Variants in RBFOX1 observed in about 807,000 individuals in gnomAD.
RBFOX1 encodes RNA binding protein fox-1 homolog 1.
RBFOX1 carries 8 observed loss-of-function variants against 57.7 expected under a neutral mutation model. That is an observed-to-expected ratio of 0.14 (90% CI 0.08 to 0.25). RBFOX1 has a LOEUF of 0.25. Among genes scored for constraint, RBFOX1 ranks in the 10% least tolerant of loss-of-function variants. The pLI, the probability that RBFOX1 is intolerant of heterozygous loss-of-function variation, is 1.00. For synonymous variants in RBFOX1, 326 were observed against 222.4 expected (o/e 1.47, Z -4.15); for missense variants, 611 against 548.5 (o/e 1.11, Z -1.14).
chr16:7,682,687 C>G (rs1430713603), intron 14 of RBFOX1, among the ~76,000 whole-genome samples: 1 of 151,400 alleles, frequency 6.6e-6, no homozygotes, highest in East Asian at 2.0e-4. Context: ...TATTTACATC[C>G]TCCTGTGCCC....
chr16:6,108,805 C>T (rs1341997865), intron 1 of RBFOX1, among the ~76,000 whole-genome samples: 2 of 152,030 alleles, frequency 1.3e-5, no homozygotes, highest in African/African-American at 4.8e-5. Flanking sequence ...AATCTATGTC[C>T]CCATCTTCAC....
At chr16:5,991,471 G>T (rs1421727777) in intron 4 of RBFOX1, among the ~76,000 whole-genome samples, 2 of 152,084 alleles carry the variant, frequency 1.3e-5, no homozygotes, top group African/African-American at 4.8e-5. Context: ...CCTCTAGTTT[G>T]TTTGGATTAA....
At chr16:6,599,766 G>A (rs552848531) in intron 2 of RBFOX1, among the ~76,000 whole-genome samples, 4 of 152,266 alleles carry the variant, frequency 2.6e-5, no homozygotes, top group Admixed American at 6.5e-5. Flanking sequence ...GAGCAGGTGC[G>A]TGTAACTTAA....
chr16:7,073,891 A>C (rs1330335993), intron 4 of RBFOX1, among the ~76,000 whole-genome samples: 2 of 147,680 alleles, frequency 1.4e-5, no homozygotes, highest in Admixed American at 6.9e-5. Flanking sequence ...CTAGATGTGT[A>C]GAAAAGAAAA....
rs542667153 is a variant in RBFOX1 at position 7,158,600 on chromosome 16, G to T, written c.27+106502G>T. Among the ~76,000 whole-genome samples, 3 of 152,086 alleles carry T rather than the reference G, an allele frequency of 2.0e-5. No homozygotes were observed. In the East Asian group the frequency reaches 5.8e-4, roughly 29 times the overall value. On this transcript the variant is annotated intron_variant, in intron 4 of 15. Transcript: ENST00000550418. ...TGTGGTGTGTATGTGCCTGTGTCCT[G>T]TGACCATGTGTTTGTATGATGTGTC...
intron 4 of RBFOX1, among the ~76,000 whole-genome samples, chr16:7,373,755 T>C (rs1275378577): frequency 1.3e-5 from 2 of 152,194 alleles, no homozygotes; most frequent in Admixed American, 6.5e-5. Context: ...TTTGCGCTGA[T>C]ATTGAGGAAG....
At chr16:7,213,298 T>TA (rs1004043484) in intron 4 of RBFOX1, among the ~76,000 whole-genome samples, 3 of 152,136 alleles carry the variant, frequency 2.0e-5, no homozygotes, top group South Asian at 2.1e-4. Context: ...GAGGTTGCCT[T>TA]AAAAAATCAC....
intron 4 of RBFOX1, among the ~76,000 whole-genome samples, chr16:5,931,748 C>T (rs1476633106): frequency 6.6e-6 from 1 of 152,116 alleles, no homozygotes; most frequent in African/African-American, 2.4e-5. Context: ...AGATTCCCTA[C>T]CCGTCTCATG....
intron 2 of RBFOX1, among the ~76,000 whole-genome samples, chr16:5,510,383 C>T (rs1315185573): frequency 6.6e-6 from 1 of 152,170 alleles, no homozygotes; most frequent in Non-Finnish European, 1.5e-5. Flanking sequence ...TGTCTCTCAT[C>T]CATTTGGAAC....
At chr16:5,753,003 A>G (rs1452225040) in intron 3 of RBFOX1, among the ~76,000 whole-genome samples, 1 of 152,092 alleles carries the variant, frequency 6.6e-6, no homozygotes, top group Non-Finnish European at 1.5e-5. Flanking sequence ...AATAAACCGT[A>G]TTTTAAAAAT....
intron 3 of RBFOX1, among the ~76,000 whole-genome samples, chr16:6,724,952 C>T (rs1029394395): frequency 6.7e-6 from 1 of 148,764 alleles, no homozygotes; most frequent in African/African-American, 2.5e-5. Context: ...GTGGGAGTGT[C>T]TTTTGGCATG....
chr16:6,827,093 G>A (rs988741438), intron 3 of RBFOX1, among the ~76,000 whole-genome samples: 7 of 152,148 alleles, frequency 4.6e-5, no homozygotes, highest in Non-Finnish European at 8.8e-5. Flanking sequence ...CATACTTACC[G>A]AGTCTCTTAG....
chr16:7,672,421 C>G (rs1221466833), intron 13 of RBFOX1, among the ~76,000 whole-genome samples: 1 of 152,078 alleles, frequency 6.6e-6, no homozygotes, highest in Admixed American at 6.6e-5. Flanking sequence ...TTTTGTAAAC[C>G]ATGAGAATTG....
intron 4 of RBFOX1, among the ~76,000 whole-genome samples, chr16:7,483,473 G>C (rs2064547674): frequency 1.3e-5 from 2 of 152,124 alleles, no homozygotes; most frequent in Admixed American, 1.3e-4. Flanking sequence ...GTGGTGTCTT[G>C]GACCTAAAAA....
chr16:6,911,883 C>T (rs372297425), intron 3 of RBFOX1, among the ~76,000 whole-genome samples: 6 of 152,192 alleles, frequency 3.9e-5, no homozygotes, highest in African/African-American at 1.4e-4. Flanking sequence ...TATCATAGTA[C>T]AGGTGGTCTT....
chr16:6,677,154 A>G (rs533939548), intron 3 of RBFOX1, among the ~76,000 whole-genome samples: 1 of 152,318 alleles, frequency 6.6e-6, no homozygotes, highest in South Asian at 2.1e-4. Context: ...ATGAAATAGA[A>G]TTCCAAAATA....
At chr16:6,542,681 A>G (rs929411515) in intron 2 of RBFOX1, among the ~76,000 whole-genome samples, 2 of 151,504 alleles carry the variant, frequency 1.3e-5, no homozygotes, top group Admixed American at 1.3e-4. Flanking sequence ...TTTAGTAGAG[A>G]CGGGGTTTCA....
At chr16:5,924,172 T>C (rs1437138117) in intron 4 of RBFOX1, among the ~76,000 whole-genome samples, 2 of 152,164 alleles carry the variant, frequency 1.3e-5, no homozygotes, top group African/African-American at 4.8e-5. Flanking sequence ...TCTGCCATTA[T>C]TGTAAGTTTC....
intron 3 of RBFOX1, among the ~76,000 whole-genome samples, chr16:6,988,746 TGTTTGTTTTTTG>T (rs2090864531): frequency 6.9e-4 from 25 of 36,190 alleles, no homozygotes; most frequent in Non-Finnish European, 9.0e-4. Flanking sequence ...TTTTTTTGTT[TGTTTGTTTTTTG>T]TTTTTTGTTT....
Sources: allele counts gnomAD v4.1 joint callset (sites outside exome capture counted in the v4.1 genomes callset), GRCh38; gene constraint gnomAD v4.1.1; transcripts MANE v1.5; gene names NCBI Gene and HGNC (gene_info 2026-07-23, HGNC 2026-07-21).